Variants in UBE2G1 observed in about 807,000 individuals in gnomAD.
The protein encoded by UBE2G1 is ubiquitin conjugating enzyme E2 G1.
UBE2G1 carries 5 observed loss-of-function variants against 22.7 expected under a neutral mutation model. The ratio of observed to expected loss-of-function variants is 0.22; its 90% CI spans 0.12 to 0.46. The LOEUF (loss-of-function observed/expected upper bound fraction) is 0.46. UBE2G1 is among the 20% of genes least tolerant of loss of function. The pLI is 0.99. For synonymous variants in UBE2G1, 74 were observed against 67.5 expected (o/e 1.10, Z -0.47); for missense variants, 88 against 203.9 (o/e 0.43, Z 3.46).
chr17:4,279,785 T>TTATATATATATA lies in UBE2G1; in HGVS notation c.*37+3001_*37+3012dup, dbSNP rs71144177. Among the ~76,000 whole-genome samples the TTATATATATATA allele has an allele frequency of 1.0e-3, 71 of 68,788 alleles. 1 individual carries two copies. The highest frequency in any genetic ancestry group is 1.5e-3 in the African/African-American group (34 of 23,104). 45.1% of individuals were successfully genotyped at this position (68,788 alleles called of 152,430 possible). A position where few individuals can be genotyped will look rare whatever the true frequency, so the allele number is the denominator to read the frequency against. On this transcript the variant is annotated intron_variant, in intron 5 of 5. Transcript: ENST00000396981. Reference sequence around the variant, plus strand: ...GCGAAACTCTGCCCCCAAAAAAAAGTTATATATATATATATATATATATAT... The same window carrying TTATATATATATA: ...GCGAAACTCTGCCCCCAAAAAAAAGTTATATATATATATATATATATATATATATATATATAT...
chr17:4,347,440 A>T (rs987605056), intron 1 of UBE2G1, among the ~76,000 whole-genome samples: 1 of 138,580 alleles, frequency 7.2e-6, no homozygotes, highest in Non-Finnish European at 1.5e-5. Flanking sequence ...TCTCTGTGTC[A>T]TATTTCGGTA....
Position 4,364,806 on chromosome 17 carries a change from T to A in UBE2G1, c.46+1465A>T, listed in dbSNP as rs2143843015. On this transcript the variant is annotated intron_variant, in intron 1 of 5. Transcript: ENST00000396981. ...CACTTTGGCCAGGCTGGCCCTGAAC[T>A]CCTGTCCTAAGGTGATCCGCCAGCC... Among the ~76,000 whole-genome samples the A allele has an allele frequency of 2.0e-5, 3 of 151,434 alleles. 1 individual carries two copies. The South Asian group carries it at 6.3e-4, about 32-fold the overall frequency.
chr17:4,327,659 A>G (rs1366371309), intron 1 of UBE2G1, among the ~76,000 whole-genome samples: 1 of 152,160 alleles, frequency 6.6e-6, no homozygotes, highest in African/African-American at 2.4e-5. Flanking sequence ...GTAGTTAAAA[A>G]GTCCAATATA....
intron 1 of UBE2G1, among the ~76,000 whole-genome samples, chr17:4,317,346 G>A (rs1052357449): frequency 6.6e-6 from 1 of 151,892 alleles, no homozygotes; most frequent in East Asian, 1.9e-4. Flanking sequence ...GCGAGACTTC[G>A]TCTCAAAAAG....
chr17:4,300,774 C>T (rs1210366420), intron 2 of UBE2G1, among the ~76,000 whole-genome samples: 1 of 151,338 alleles, frequency 6.6e-6, no homozygotes, highest in Non-Finnish European at 1.5e-5. Flanking sequence ...ACCAGCATGG[C>T]CGAGATGGTG....
intron 1 of UBE2G1, among the ~76,000 whole-genome samples, chr17:4,328,673 T>C (rs771705371): frequency 6.6e-6 from 1 of 152,234 alleles, no homozygotes; most frequent in Non-Finnish European, 1.5e-5. Flanking sequence ...TATACATTTA[T>C]TCAAACTTAT....
intron 1 of UBE2G1, among the ~76,000 whole-genome samples, chr17:4,332,521 T>C (rs1969590721): frequency 6.6e-6 from 1 of 152,190 alleles, no homozygotes; most frequent in African/African-American, 2.4e-5. Context: ...CAGCTTCCCA[T>C]TCTCACTCAG....
At chr17:4,289,452 G>A in intron 3 of UBE2G1, 44 bp from the exon 4 acceptor site, 1 of 1,455,444 alleles carries the variant, frequency 6.9e-7, no homozygotes, top group South Asian at 1.5e-5. Context: ...TTACTAATTT[G>A]GTTATACATG....
intron 1 of UBE2G1, among the ~76,000 whole-genome samples, chr17:4,324,491 A>G (rs866937536): frequency 2.0e-5 from 3 of 152,190 alleles, no homozygotes; most frequent in Admixed American, 1.3e-4. Context: ...AAAATCACAC[A>G]TTAGGCTTTC....
At chr17:4,303,342 T>C (rs1288468155) in intron 2 of UBE2G1, among the ~76,000 whole-genome samples, 1 of 152,200 alleles carries the variant, frequency 6.6e-6, no homozygotes, top group Non-Finnish European at 1.5e-5. Flanking sequence ...CTTCGAATTA[T>C]AATTGACATT....
chr17:4,349,596 C>A (rs1036780797), intron 1 of UBE2G1, among the ~76,000 whole-genome samples: 2 of 152,118 alleles, frequency 1.3e-5, no homozygotes, highest in Non-Finnish European at 2.9e-5. Context: ...GTAATCCCAG[C>A]AGCTTGGGAG....
chr17:4,347,928 T>C (rs1969798021), intron 1 of UBE2G1, among the ~76,000 whole-genome samples: 2 of 152,214 alleles, frequency 1.3e-5, no homozygotes, highest in Admixed American at 1.3e-4. Flanking sequence ...CTCCACCAAC[T>C]GCCAGTTCCT....
At chr17:4,295,635 T>C (rs143112950) in intron 3 of UBE2G1, among the ~76,000 whole-genome samples, 5 of 152,278 alleles carry the variant, frequency 3.3e-5, no homozygotes, top group African/African-American at 9.6e-5. Flanking sequence ...TCTGATTACA[T>C]AGTCAAAATA....
intron 1 of UBE2G1, among the ~76,000 whole-genome samples, chr17:4,346,580 T>C (rs1391306127): frequency 6.6e-6 from 1 of 151,454 alleles, no homozygotes; most frequent in African/African-American, 2.4e-5. Flanking sequence ...GGACTATAGG[T>C]GTGCACCACC....
chr17:4,286,404 CAAAAAAA>C (rs11312770), intron 4 of UBE2G1, among the ~76,000 whole-genome samples: 2 of 117,444 alleles, frequency 1.7e-5, no homozygotes, highest in Non-Finnish European at 1.8e-5. Context: ...GACTCTGTCT[CAAAAAAA>C]AAAAAAAAAA....
chr17:4,303,258 C>G (rs185508724), intron 2 of UBE2G1, among the ~76,000 whole-genome samples: 2 of 152,272 alleles, frequency 1.3e-5, no homozygotes, highest in African/African-American at 4.8e-5. Flanking sequence ...CCCCTAATCT[C>G]TTAGGGACAC....
rs557020594 is a variant in UBE2G1 at position 4,288,528 on chromosome 17, G to A, written c.426+702C>T. ...GTTGTGAGCCACCGTGCCCAGCCCCGATTCCTTACTTTTTATCTTTTGTGT... is the reference window on the plus strand; with the variant it reads ...GTTGTGAGCCACCGTGCCCAGCCCCAATTCCTTACTTTTTATCTTTTGTGT... On this transcript the variant is annotated intron_variant, in intron 4 of 5. Coordinates refer to ENST00000396981, the MANE Select transcript of UBE2G1 (RefSeq NM_003342.5). Among the ~76,000 whole-genome samples the A allele has an allele frequency of 1.0e-3, 159 of 152,094 alleles. 1 individual carries two copies. The highest frequency in any genetic ancestry group is 3.4e-3 in the Middle Eastern group (1 of 292).
intron 1 of UBE2G1, among the ~76,000 whole-genome samples, chr17:4,340,136 G>A (rs570851161): frequency 9.0e-4 from 137 of 152,112 alleles, no homozygotes; most frequent in Non-Finnish European, 1.6e-3. Context: ...GCCCAGGCTG[G>A]TCTCAAATTC....
chr17:4,275,308 G>A (rs1393107249), intron 5 of UBE2G1, among the ~76,000 whole-genome samples: 1 of 152,194 alleles, frequency 6.6e-6, no homozygotes, highest in Non-Finnish European at 1.5e-5. Flanking sequence ...AGATAAATGT[G>A]AAACTGAATT....
Sources: allele counts gnomAD v4.1 joint callset (sites outside exome capture counted in the v4.1 genomes callset), GRCh38; gene constraint gnomAD v4.1.1; transcripts MANE v1.5; gene names NCBI Gene and HGNC (gene_info 2026-07-23, HGNC 2026-07-21).